Variants in CLDN10 observed in about 807,000 individuals in gnomAD.
CLDN10 encodes claudin-10.
Under a neutral mutation model 22.9 loss-of-function variants are expected in CLDN10, and 15 were observed. The observed-to-expected ratio is 0.65, with a 90% CI of 0.44 to 1.01. CLDN10 has a LOEUF of 1.01. CLDN10 is among the 50% of genes least tolerant of loss of function. The pLI, the probability that CLDN10 is intolerant of heterozygous loss-of-function variation, is 0.00. For missense variants in CLDN10, 247 were observed against 287.8 expected (o/e 0.86, Z 1.03); for synonymous variants, 114 against 111.4 (o/e 1.02, Z -0.15).
rs5805934 is a variant in CLDN10, at chr13:95,447,742, CGTGTGTGT to C, written c.214+13720_214+13727del. 2.2e-3 allele frequency among the ~76,000 whole-genome samples: 321 copies of C among 147,644 alleles called. 1 individual carries two copies. The highest frequency in any genetic ancestry group is 7.0e-3 in the Middle Eastern group (2 of 286). ...AAAACGAGAAGGGGGAGTGCACATG[CGTGTGTGT>C]GTGTGTGTGTGTGTGTGTGTGTGTA... On this transcript the variant is annotated intron_variant, in intron 1 of 4. Transcript: ENST00000376873.
intron 1 of CLDN10, chr13:95,479,808 C>G (rs2042724582): frequency 6.6e-6 from 1 of 152,236 alleles, no homozygotes; most frequent in Admixed American, 6.5e-5. Context: ...ACAGCACTGT[C>G]TGTATGTACA....
chr13:95,503,818 C>A (rs573496593), intron 1 of CLDN10, among the ~76,000 whole-genome samples: 1 of 152,100 alleles, frequency 6.6e-6, no homozygotes, highest in African/African-American at 2.4e-5. Context: ...AGAATGGTGG[C>A]TGCTAGGGAG....
intron 1 of CLDN10, among the ~76,000 whole-genome samples, chr13:95,499,182 A>G (rs2042958430): frequency 1.3e-5 from 2 of 152,228 alleles, no homozygotes; most frequent in Non-Finnish European, 2.9e-5. Flanking sequence ...TGTGTTTAAA[A>G]GAGTTTTATA....
intron 3 of CLDN10, among the ~76,000 whole-genome samples, chr13:95,574,437 T>G (rs2043899016): frequency 6.6e-6 from 1 of 152,234 alleles, no homozygotes; most frequent in African/African-American, 2.4e-5. Flanking sequence ...GGAAATGATT[T>G]TTTCCTTGGA....
intron 3 of CLDN10, among the ~76,000 whole-genome samples, chr13:95,570,858 G>GTGTATATATATATATATA (rs60359070): frequency 0.01 from 1,209 of 119,348 alleles, 13 homozygotes; most frequent in Non-Finnish European, 0.013. Flanking sequence ...ATATACGTGT[G>GTGTATATATATATATATA]TATATATATA....
intron 1 of CLDN10, among the ~76,000 whole-genome samples, chr13:95,494,415 A>C (rs1296113705): frequency 2.0e-5 from 3 of 152,256 alleles, no homozygotes; most frequent in Non-Finnish European, 2.9e-5. Flanking sequence ...TCTATGTAAC[A>C]CGCATAAAAC....
At chr13:95,446,475 T>C (rs1192826303) in intron 1 of CLDN10, among the ~76,000 whole-genome samples, 1 of 152,258 alleles carries the variant, frequency 6.6e-6, no homozygotes, top group Admixed American at 6.5e-5. Flanking sequence ...GGATCATGAA[T>C]TGAAGCAGTA....
chr13:95,444,087 G>C (rs574812600), intron 1 of CLDN10, among the ~76,000 whole-genome samples: 199 of 152,242 alleles, frequency 1.3e-3, no homozygotes, highest in African/African-American at 4.7e-3. Flanking sequence ...CTCTCACAAG[G>C]TTCATAGCTC....
Position 95,481,836 on chromosome 13 carries a change from A to G in CLDN10, c.214+47789A>G, listed in dbSNP as rs568797939. ...GGAGTTGGAGACCAGCCTGAGCAAC[A>G]TGGCAAAACCCCATCTCTACTAAAA... On this transcript the variant is annotated intron_variant, in intron 1 of 4. Coordinates refer to the CLDN10 transcript ENST00000376873. 1.9e-4 allele frequency among the ~76,000 whole-genome samples: 29 copies of G among 152,286 alleles called. No individual in the cohort carries two copies. The South Asian group carries it at 3.5e-3, about 19-fold the overall frequency.
Position 95,498,834 on chromosome 13 carries a change from C to CT in CLDN10, c.215-61292dup, listed in dbSNP as rs1444419809. Among the ~76,000 whole-genome samples, 7 of 152,302 alleles carry CT rather than the reference C, an allele frequency of 4.6e-5. No individual in the cohort carries two copies. In the East Asian group the frequency reaches 1.3e-3, roughly 29 times the overall value. On this transcript the variant is annotated intron_variant, in intron 1 of 4. Transcript: ENST00000376873. ...ATTGTTGCACAAGCAATTTCCAGAA[C>CT]TTTTTTATCTTGCAAAACTGAAACT...
rs189523701 is a variant in CLDN10 at position 95,440,672 on chromosome 13, C to T, written c.214+6625C>T. On this transcript the variant is annotated intron_variant, in intron 1 of 4. Coordinates refer to the CLDN10 transcript ENST00000376873. ...GCCTGGGTGAAGTCCAAGAAGCATT[C>T]GACATGTTCCTGTTCCAACAAACAG... Among the ~76,000 whole-genome samples, 27 of 152,286 alleles carry T rather than the reference C, an allele frequency of 1.8e-4. No individual in the cohort carries two copies. In the East Asian group the frequency reaches 4.4e-3, roughly 25 times the overall value.
intron 1 of CLDN10, among the ~76,000 whole-genome samples, chr13:95,444,744 T>TTTTTGTTTTTGTTTAG (rs1232518077): frequency 6.6e-6 from 1 of 152,144 alleles, no homozygotes; most frequent in African/African-American, 2.4e-5. Context: ...CCTCATCTAT[T>TTTTTGTTTTTGTTTAG]TTTTGTTTTT....
intron 1 of CLDN10, among the ~76,000 whole-genome samples, chr13:95,447,710 T>C (rs1035697629): frequency 2.0e-5 from 3 of 151,600 alleles, no homozygotes; most frequent in African/African-American, 7.3e-5. Flanking sequence ...CTGTGAGAAT[T>C]TGGGGGAAAA....
rs143230186 is a variant in CLDN10 at position 95,463,496 on chromosome 13, C to T, written c.214+29449C>T. 1.5e-3 allele frequency among the ~76,000 whole-genome samples: 226 copies of T among 149,978 alleles called. 4 individuals are homozygous for T. The East Asian group carries it at 0.029, about 19-fold the overall frequency. On this transcript the variant is annotated intron_variant, in intron 1 of 4. Transcript: ENST00000376873. ...TACAGGCATGTGCCACCACATCTGG[C>T]TAATTTTTGTATTTTTTGTAGAGAT...
chr13:95,467,573 C>T (rs2042593045), intron 1 of CLDN10, among the ~76,000 whole-genome samples: 2 of 151,798 alleles, frequency 1.3e-5, no homozygotes, highest in African/African-American at 4.8e-5. Flanking sequence ...TTTCTGTTGG[C>T]CTATAAAATG....
At chr13:95,524,751 G>A (rs1032398081) in intron 1 of CLDN10, among the ~76,000 whole-genome samples, 2 of 152,084 alleles carry the variant, frequency 1.3e-5, no homozygotes, top group African/African-American at 4.8e-5. Flanking sequence ...TTCCACAGCG[G>A]CTGCATCATT....
At chr13:95,563,677 C>G (rs904482018) in intron 3 of CLDN10, among the ~76,000 whole-genome samples, 14 of 152,096 alleles carry the variant, frequency 9.2e-5, no homozygotes, top group Non-Finnish European at 1.5e-4. Context: ...ATTATCAAGG[C>G]CTGAGAATTG....
At chr13:95,569,511 G>A (rs542803726) in intron 3 of CLDN10, among the ~76,000 whole-genome samples, 3 of 152,134 alleles carry the variant, frequency 2.0e-5, no homozygotes, top group Non-Finnish European at 4.4e-5. Flanking sequence ...TTGAACCTGG[G>A]GGGTGGAGGT....
intron 1 of CLDN10, among the ~76,000 whole-genome samples, chr13:95,436,539 A>G (rs1293630711): frequency 6.6e-6 from 1 of 152,142 alleles, no homozygotes; most frequent in East Asian, 1.9e-4. Flanking sequence ...AATTTATTCT[A>G]TCTCCTGTAT....
Sources: gnomAD v4.1 joint callset for allele counts (sites outside exome capture counted in the v4.1 genomes callset) on GRCh38, gnomAD v4.1.1 for gene constraint, MANE v1.5 for transcripts, NCBI Gene and HGNC (gene_info 2026-07-23, HGNC 2026-07-21) for gene names.